Variants in DRC9 observed in about 807,000 individuals in gnomAD.
DRC9 encodes the protein dynein regulatory complex protein 9.
At chr3:197,933,451 CA>C in the DRC9 span, among the ~76,000 whole-genome samples, 1 of 151,302 alleles carries the variant, frequency 6.6e-6, no homozygotes, top group Non-Finnish European at 1.5e-5. Context: ...CAAAAAAACA[CA>C]AAAAACAAAA....
the DRC9 span, among the ~76,000 whole-genome samples, chr3:197,937,762 C>T: frequency 6.6e-6 from 1 of 151,834 alleles, no homozygotes; most frequent in Non-Finnish European, 1.5e-5. Flanking sequence ...ACAGGTTGAG[C>T]CCCCGCGCCC....
the DRC9 span, among the ~76,000 whole-genome samples, chr3:197,927,885 T>A: frequency 6.6e-6 from 1 of 151,168 alleles, no homozygotes; most frequent in Admixed American, 6.6e-5. Context: ...CATGTTCTCA[T>A]TCATAGGTGG....
At chr3:197,899,918 C>G in the DRC9 span, among the ~76,000 whole-genome samples, 5 of 152,336 alleles carry the variant, frequency 3.3e-5, no homozygotes, top group East Asian at 5.8e-4. Context: ...CTCTCCACCC[C>G]CTGGCAGCAG....
At chr3:197,943,216 C>G in the DRC9 span, among the ~76,000 whole-genome samples, 1 of 152,174 alleles carries the variant, frequency 6.6e-6, no homozygotes, top group African/African-American at 2.4e-5. Flanking sequence ...GGTGGGACAA[C>G]TCAGTAATTC....
chr3:197,913,357 C>CGTGCGTGCGTGTGTGCGTGCGTGCGTGT, the DRC9 span: 642 of 224,150 alleles, frequency 2.9e-3, 4 homozygotes, highest in Middle Eastern at 0.01. Flanking sequence ...TGTGTGCGTG[C>CGTGCGTGCGTGTGTGCGTGCGTGCGTGT]GTGCGTGTGT....
chr3:197,896,368 G>A, the DRC9 span, among the ~76,000 whole-genome samples: 1,847 of 152,104 alleles, frequency 0.012, 53 homozygotes, highest in African/African-American at 0.042. Flanking sequence ...TAAGTAACAG[G>A]TGGTATACAG....
the DRC9 span, chr3:197,939,033 A>C: frequency 9.2e-6 from 4 of 436,722 alleles, no homozygotes; most frequent in East Asian, 1.7e-4. Context: ...TTTGTGAAAT[A>C]TCTCTGTTAG....
the DRC9 span, chr3:197,953,559 C>T: frequency 8.5e-5 from 39 of 457,230 alleles, no homozygotes; most frequent in Non-Finnish European, 1.6e-4. Context: ...CCAGTGCCTG[C>T]GCTAGTCATC....
the DRC9 span, among the ~76,000 whole-genome samples, chr3:197,900,525 C>T: frequency 7.1e-6 from 1 of 139,892 alleles, no homozygotes; most frequent in East Asian, 2.0e-4. This position sits in a 1 kb window ranked among gnomAD's most constrained non-coding sequence, Gnocchi z 4.7. Flanking sequence ...GAACAGGGCA[C>T]TCAGCAGAGG....
At chr3:197,960,117 G>A in the DRC9 span, 1 of 926,872 alleles carries the variant, frequency 1.1e-6, no homozygotes, top group East Asian at 2.7e-5. Flanking sequence ...CTTCTAGCGG[G>A]TGACGCTGTC....
chr3:197,919,900 TATTAA>T, the DRC9 span, among the ~76,000 whole-genome samples: 1 of 152,074 alleles, frequency 6.6e-6, no homozygotes, highest in African/African-American at 2.4e-5. Context: ...AATAGTTCTC[TATTAA>T]ATTAACATTT....
chr3:197,952,528 C>T, the DRC9 span: 1 of 151,676 alleles, frequency 6.6e-6, no homozygotes, highest in African/African-American at 2.4e-5. Flanking sequence ...GAGTTTTGCT[C>T]TTGTTATCCA....
chr3:197,922,713 AAAATAAATAAATAAAT>A, the DRC9 span, among the ~76,000 whole-genome samples: 1 of 100,900 alleles, frequency 9.9e-6, no homozygotes, highest in Admixed American at 9.6e-5. Flanking sequence ...CTCAAAAATA[AAAATAAATAAATAAAT>A]AAATAAATAA....
At chr3:197,900,110 C>T in the DRC9 span, among the ~76,000 whole-genome samples, 1 of 152,228 alleles carries the variant, frequency 6.6e-6, no homozygotes, top group African/African-American at 2.4e-5. This position sits in a 1 kb window ranked among gnomAD's most constrained non-coding sequence, Gnocchi z 4.7. Context: ...CCCAGCCTAG[C>T]AGTGGGACCC....
the DRC9 span, chr3:197,945,584 A>C: frequency 2.8e-6 from 4 of 1,426,058 alleles, no homozygotes; most frequent in African/African-American, 5.7e-5. Context: ...TAATTTAAAT[A>C]CATGTATACA....
At chr3:197,938,905 GC>G in the DRC9 span, 1 of 728,988 alleles carries the variant, frequency 1.4e-6, no homozygotes. Flanking sequence ...AAGAAAATGT[GC>G]CCCTTTCTTC....
chr3:197,934,123 C>T, the DRC9 span, among the ~76,000 whole-genome samples: 67 of 147,854 alleles, frequency 4.5e-4, no homozygotes, highest in African/African-American at 1.6e-3. Context: ...TTTTCTAATG[C>T]TAAACTATTT....
the DRC9 span, among the ~76,000 whole-genome samples, chr3:197,954,857 T>G: frequency 3.9e-5 from 6 of 152,190 alleles, no homozygotes; most frequent in Admixed American, 2.6e-4. Flanking sequence ...CTGAAGTAAT[T>G]GTTAGAAAGC....
chr3:197,946,307 T>C, the DRC9 span, among the ~76,000 whole-genome samples: 352 of 149,182 alleles, frequency 2.4e-3, 1 homozygote, highest in African/African-American at 7.4e-3. Flanking sequence ...TGGTGGCGGG[T>C]GCCTGTAGTC....
Sources: gnomAD v4.1 joint callset for allele counts (sites outside exome capture counted in the v4.1 genomes callset) on GRCh38, gnomAD v4.1.1 for gene constraint, Gnocchi (gnomAD v3.1) non-coding constraint, MANE v1.5 for transcripts, NCBI Gene and HGNC (gene_info 2026-07-23, HGNC 2026-07-21) for gene names.